Variants in LMTK2 observed in about 807,000 individuals in gnomAD.
LMTK2 encodes serine/threonine-protein kinase LMTK2.
Under a neutral mutation model 127.5 loss-of-function variants are expected in LMTK2, and 37 were observed. The ratio of observed to expected loss-of-function variants is 0.29; its 90% CI spans 0.22 to 0.38. LMTK2 has a LOEUF of 0.38. LMTK2 is among the 10% of genes least tolerant of loss of function. LMTK2 has a pLI of 1.00. For missense variants in LMTK2, 1,694 were observed against 1,920.3 expected (o/e 0.88, Z 2.20); for synonymous variants, 819 against 810.1 (o/e 1.01, Z -0.19).
At chr7:98,120,686 GC>G (rs1171930376) in intron 1 of LMTK2, among the ~76,000 whole-genome samples, 4 of 152,094 alleles carry the variant, frequency 2.6e-5, no homozygotes, top group Non-Finnish European at 4.4e-5. Flanking sequence ...CTGGCAATTT[GC>G]CCCTGTAGAA....
chr7:98,142,046 T>A (rs72494440), intron 3 of LMTK2, among the ~76,000 whole-genome samples: 8,076 of 152,302 alleles, frequency 0.053, 632 homozygotes, highest in East Asian at 0.36. Flanking sequence ...TAGTTTTTTT[T>A]TTTAGAGTTT....
chr7:98,150,322 A>C (rs929995308), intron 3 of LMTK2, among the ~76,000 whole-genome samples: 7 of 149,454 alleles, frequency 4.7e-5, no homozygotes, highest in African/African-American at 1.7e-4. Flanking sequence ...AAAAAAAAAA[A>C]GGAAAAATGA....
At chr7:98,132,860 G>A (rs987349332) in intron 1 of LMTK2, among the ~76,000 whole-genome samples, 1 of 151,876 alleles carries the variant, frequency 6.6e-6, no homozygotes, top group African/African-American at 2.4e-5. Context: ...TTTCATCTGA[G>A]GTTCTAGAGA....
Position 98,193,143 on chromosome 7 carries a change from C to A in LMTK2, c.2678C>A (p.Thr893Asn), listed in dbSNP as rs541039859. The change falls in exon 11 of 14, where the codon ACC becomes AAC. Residue 893 changes from threonine to asparagine, a missense_variant. Thr to Asn is a moderately conservative substitution (Grantham distance 65, BLOSUM62 0). Transcript: ENST00000297293. This position sits in a 1 kb window ranked among gnomAD's most constrained non-coding sequence, Gnocchi z 4.1. ...SQDSPGESEE[T>N]LRLTESDSVL... ...GACTCTCCTGGCGAGAGTGAGGAGACCCTGCGACTCACCGAAAGTGACTCT... is the reference window on the plus strand; with the variant it reads ...GACTCTCCTGGCGAGAGTGAGGAGAACCTGCGACTCACCGAAAGTGACTCT... 1 of 1,613,422 alleles carries A rather than the reference C, an allele frequency of 6.2e-7. No homozygotes were observed. Among genetic ancestry groups the A allele is most frequent in the African/African-American group, 1.3e-5 (1 of 74,984 alleles).
rs767451702 is a variant in LMTK2, at chr7:98,190,710, A to C, written c.999-18A>C. The C allele has an allele frequency of 1.2e-6, 2 of 1,613,478 alleles. No individual in the cohort carries two copies. Among genetic ancestry groups the C allele is most frequent in the Admixed American group, 3.3e-5 (2 of 59,938 alleles). ...CATCTAAAGGGAGAGAGAAACAGCC[A>C]TTTTCTTTTTCCAACAGGTCTCTGG... On this transcript the variant is annotated intron_variant, in intron 9 of 13. Coordinates refer to ENST00000297293, the MANE Select transcript of LMTK2 (RefSeq NM_014916.4).
At chr7:98,135,347 C>T (rs1187463059) in intron 1 of LMTK2, among the ~76,000 whole-genome samples, 3 of 152,054 alleles carry the variant, frequency 2.0e-5, no homozygotes, top group African/African-American at 4.8e-5. Flanking sequence ...GGGTCTTGCT[C>T]TGTCACCCAG....
At chr7:98,153,734 C>A (rs1796889020) in intron 4 of LMTK2, among the ~76,000 whole-genome samples, 1 of 152,054 alleles carries the variant, frequency 6.6e-6, no homozygotes, top group African/African-American at 2.4e-5. Context: ...AGTGGGATGG[C>A]ACACGCCTGT....
rs1484596148 is a variant in LMTK2, at chr7:98,207,164, TC to T, written c.*1676del. On this transcript the variant is annotated 3_prime_UTR_variant, in exon 14 of 14. Transcript: ENST00000297293. ...CCTTCGGGGGTCCTTGGGCCTGCAG[TC>T]CCCTCATACTCACCCTTCACCCAAC... 6.6e-6 allele frequency: 1 copy of T among 152,430 alleles called. No individual in the cohort carries two copies. The highest frequency in any genetic ancestry group is 1.9e-4 in the East Asian group (1 of 5,188). 9.4% of individuals were successfully genotyped at this position (152,430 alleles called of 1,614,324 possible). A position where few individuals can be genotyped will look rare whatever the true frequency, so the allele number is the denominator to read the frequency against.
chr7:98,158,300 G>A (rs937309665), intron 5 of LMTK2, among the ~76,000 whole-genome samples: 2 of 152,144 alleles, frequency 1.3e-5, no homozygotes, highest in Admixed American at 6.5e-5. Flanking sequence ...TTTGAAGCAG[G>A]GTCTTGTTTT....
intron 11 of LMTK2, among the ~76,000 whole-genome samples, chr7:98,202,578 C>T (rs190324574): frequency 2.0e-5 from 3 of 152,282 alleles, no homozygotes; most frequent in Admixed American, 6.5e-5. Context: ...GGCCTTGACC[C>T]GGTGGGTGCA....
At chr7:98,120,572 T>C (rs1423493801) in intron 1 of LMTK2, among the ~76,000 whole-genome samples, 1 of 152,194 alleles carries the variant, frequency 6.6e-6, no homozygotes, top group Non-Finnish European at 1.5e-5. Flanking sequence ...GCCACTAAAT[T>C]TAAGTTTAAA....
At position 98,171,413 on chromosome 7, in the gene LMTK2, CTTT is replaced by C; in HGVS notation, c.658-127_658-125del. 8.2e-7 allele frequency: 1 copy of C among 1,226,504 alleles called. No homozygotes were observed. The highest frequency in any genetic ancestry group is 1.2e-6 in the Non-Finnish European group (1 of 843,078). 76.0% of individuals were successfully genotyped at this position (1,226,504 alleles called of 1,614,324 possible). On this transcript the variant is annotated intron_variant, in intron 6 of 13. Transcript: ENST00000297293. The surrounding 1 kb of genome is among the most constrained non-coding windows in gnomAD (Gnocchi z 5.1). ...CTTTCGCAGTATTGGGTTGGAACTTCTTTAAGTATGAACAAAAGAAGTTTCTAA... is the reference window on the plus strand; with the variant it reads ...CTTTCGCAGTATTGGGTTGGAACTTCAAGTATGAACAAAAGAAGTTTCTAA...
At chr7:98,109,313 T>G (rs1487338414) in intron 1 of LMTK2, among the ~76,000 whole-genome samples, 1 of 152,206 alleles carries the variant, frequency 6.6e-6, no homozygotes, top group African/African-American at 2.4e-5. Context: ...ACATATAGCA[T>G]AAGGAAATAT....
At position 98,137,560 on chromosome 7, in the gene LMTK2, G is replaced by A. The variant is rs957802652; in HGVS notation, c.231+118G>A. 24 of 847,984 alleles carry A rather than the reference G, an allele frequency of 2.8e-5. No individual in the cohort carries two copies. In the African/African-American group the frequency reaches 3.8e-4, roughly 14 times the overall value. The allele number at this position is 847,984 out of a possible 1,614,324, so 52.5% of individuals were successfully genotyped here. A position where few individuals can be genotyped will look rare whatever the true frequency, so the allele number is the denominator to read the frequency against. Reference sequence around the variant, plus strand: ...GCAGATTTTTTTTCTTCCCCTAATGGCCAAATAGTAAATATTTTCTACCTT... The same window carrying A: ...GCAGATTTTTTTTCTTCCCCTAATGACCAAATAGTAAATATTTTCTACCTT... On this transcript the variant is annotated intron_variant, in intron 2 of 13. Transcript: ENST00000297293.
chr7:98,107,438 G>T (rs574531450), intron 1 of LMTK2, among the ~76,000 whole-genome samples, 158 bp downstream of exon 1: 1 of 151,458 alleles, frequency 6.6e-6, no homozygotes, highest in African/African-American at 2.4e-5. Flanking sequence ...TGCCGCAGGG[G>T]CGTGGGATTT....
intron 1 of LMTK2, among the ~76,000 whole-genome samples, chr7:98,125,080 G>A (rs1378545968): frequency 6.6e-6 from 1 of 151,852 alleles, no homozygotes; most frequent in Non-Finnish European, 1.5e-5. Flanking sequence ...GAGGCGGGCG[G>A]ATCACGAGGT....
At chr7:98,201,761 C>T (rs946672770) in intron 11 of LMTK2, among the ~76,000 whole-genome samples, 2 of 152,090 alleles carry the variant, frequency 1.3e-5, no homozygotes, top group African/African-American at 2.4e-5. Flanking sequence ...AGGCGTGCAC[C>T]ACCACGCCTA....
chr7:98,163,914 C>T (rs950283312), intron 6 of LMTK2, among the ~76,000 whole-genome samples: 9 of 152,350 alleles, frequency 5.9e-5, no homozygotes, highest in East Asian at 3.9e-4. Flanking sequence ...GACCGGCTAT[C>T]GCTGCCTGTC....
At chr7:98,123,328 C>T (rs1168617680) in intron 1 of LMTK2, among the ~76,000 whole-genome samples, 2 of 152,102 alleles carry the variant, frequency 1.3e-5, no homozygotes, top group African/African-American at 2.4e-5. Flanking sequence ...ATTTTTATGG[C>T]TACAGACATT....
Sources: allele counts gnomAD v4.1 joint callset (sites outside exome capture counted in the v4.1 genomes callset), GRCh38; gene constraint gnomAD v4.1.1; non-coding constraint Gnocchi (gnomAD v3.1); transcripts MANE v1.5; gene names NCBI Gene and HGNC (gene_info 2026-07-23, HGNC 2026-07-21).